Variants in CACNA1C observed in about 807,000 individuals in gnomAD.
The protein encoded by CACNA1C is voltage-dependent L-type calcium channel subunit alpha-1C.
A neutral mutation model predicts 229.0 loss-of-function variants in CACNA1C; 30 were observed. The observed-to-expected ratio is 0.13, with a 90% CI of 0.10 to 0.18. The LOEUF is 0.18. Among genes scored for constraint, CACNA1C ranks in the 10% least tolerant of loss-of-function variants. The pLI is 1.00. For synonymous variants in CACNA1C, 1,114 were observed against 1,132.5 expected, an observed-to-expected ratio of 0.98 and a Z score of 0.33; for missense variants, 1,658 against 2,845.0, an observed-to-expected ratio of 0.58 and a Z score of 9.49.
At chr12:2,091,955 C>T (rs1034224449) in intron 1 of CACNA1C, among the ~76,000 whole-genome samples, 4 of 152,148 alleles carry the variant, frequency 2.6e-5, no homozygotes, top group African/African-American at 9.7e-5. Flanking sequence ...GTGACCTCAC[C>T]TTTTAAAGGA....
intron 3 of CACNA1C, among the ~76,000 whole-genome samples, chr12:2,317,401 G>C (rs2154492221): frequency 6.6e-6 from 1 of 152,294 alleles, no homozygotes; most frequent in Admixed American, 6.5e-5. Context: ...AGTCACAAAA[G>C]ACAAATTCTG....
At chr12:2,270,968 C>T (rs549719609) in intron 3 of CACNA1C, among the ~76,000 whole-genome samples, 14 of 152,232 alleles carry the variant, frequency 9.2e-5, no homozygotes, top group Middle Eastern at 3.4e-3. Context: ...CTCCCTTTGC[C>T]GAGGGCTGGT....
At chr12:2,495,941 C>T (rs185540035) in intron 7 of CACNA1C, among the ~76,000 whole-genome samples, 7 of 152,332 alleles carry the variant, frequency 4.6e-5, no homozygotes, top group South Asian at 2.1e-4. Flanking sequence ...GACCTTTCTA[C>T]GGCTGTTTCT....
At chr12:2,560,371 C>T (rs1331143130) in intron 11 of CACNA1C, among the ~76,000 whole-genome samples, 3 of 152,160 alleles carry the variant, frequency 2.0e-5, no homozygotes, top group African/African-American at 7.2e-5. Context: ...TCCAAAGTCA[C>T]GGTTTCTTTA....
intron 13 of CACNA1C, among the ~76,000 whole-genome samples, chr12:2,572,715 T>TC (rs2056488950): frequency 9.8e-6 from 1 of 102,380 alleles, no homozygotes; most frequent in African/African-American, 3.9e-5. Flanking sequence ...CCTCCTCCTC[T>TC]TCCTCCTCCT....
chr12:2,116,664 C>T (rs923449829), intron 2 of CACNA1C, among the ~76,000 whole-genome samples: 8 of 152,110 alleles, frequency 5.3e-5, no homozygotes, highest in African/African-American at 1.7e-4. Flanking sequence ...GCCACCGTGC[C>T]CAGCCCAGAA....
At chr12:2,254,488 G>A (rs183798321) in intron 3 of CACNA1C, among the ~76,000 whole-genome samples, 5 of 152,088 alleles carry the variant, frequency 3.3e-5, no homozygotes, top group Admixed American at 2.6e-4. Context: ...GTGTGGGCCC[G>A]GATTGCCCCA....
chr12:2,272,720 C>T (rs375064334), intron 3 of CACNA1C, among the ~76,000 whole-genome samples: 59 of 152,298 alleles, frequency 3.9e-4, no homozygotes, highest in African/African-American at 1.0e-3. Context: ...TGCATTGTGC[C>T]GTGAGATGAC....
intron 9 of CACNA1C, among the ~76,000 whole-genome samples, chr12:2,548,872 A>G (rs1189297297): frequency 1.3e-5 from 2 of 152,154 alleles, no homozygotes; most frequent in Non-Finnish European, 2.9e-5. Flanking sequence ...GTGTCTGCTG[A>G]GGGCTGATGA....
chr12:2,172,720 A>T (rs2154266055), intron 3 of CACNA1C, among the ~76,000 whole-genome samples: 1 of 152,362 alleles, frequency 6.6e-6, no homozygotes, highest in African/African-American at 2.4e-5. Flanking sequence ...GGGAAACGGG[A>T]TTATCTTAAC....
At chr12:2,198,968 G>A (rs1237573147) in intron 3 of CACNA1C, among the ~76,000 whole-genome samples, 6 of 152,086 alleles carry the variant, frequency 3.9e-5, no homozygotes, top group Admixed American at 3.9e-4. Context: ...TTAAGTATTG[G>A]CTGCATAAAG....
chr12:2,589,065 AC>A (rs1479730845), intron 18 of CACNA1C, among the ~76,000 whole-genome samples: 3 of 152,138 alleles, frequency 2.0e-5, no homozygotes, highest in Non-Finnish European at 4.4e-5. Context: ...TCAGGATCGT[AC>A]AATCATCAGA....
intron 3 of CACNA1C, among the ~76,000 whole-genome samples, chr12:2,447,813 A>G (rs1030506600): frequency 5.9e-5 from 9 of 152,200 alleles, no homozygotes; most frequent in African/African-American, 2.4e-5. Flanking sequence ...CTGCTCCCAC[A>G]TGCACACACC....
At chr12:2,550,067 T>G (rs1051216883) in intron 10 of CACNA1C, 34 bp downstream of exon 10, 1 of 1,409,592 alleles carries the variant, frequency 7.1e-7, no homozygotes, top group African/African-American at 1.4e-5. Flanking sequence ...GGGCTGGGGC[T>G]TTTTCTGGAG....
intron 3 of CACNA1C, among the ~76,000 whole-genome samples, chr12:2,130,531 C>T (rs2091981582): frequency 1.6e-5 from 2 of 124,828 alleles, no homozygotes; most frequent in Admixed American, 1.7e-4. Context: ...TCAATTCCCA[C>T]CTATGAGTGA....
chr12:2,456,577 T>C (rs2099425331), intron 4 of CACNA1C, among the ~76,000 whole-genome samples: 1 of 152,128 alleles, frequency 6.6e-6, no homozygotes, highest in Non-Finnish European at 1.5e-5. Context: ...TGCCCCTCCC[T>C]TGGGCCCCTG....
chr12:2,071,162 C>CT lies in CACNA1C; in HGVS notation c.49+17552dup, dbSNP rs1279669336. On this transcript the variant is annotated intron_variant, in intron 1 of 46. Transcript: ENST00000399655. ...CCCTCCTCCCTCCCTCCCTCCCTCCCTCCCTCCCTCCCTGCCTGCCTGCCT... is the reference window on the plus strand; with the variant it reads ...CCCTCCTCCCTCCCTCCCTCCCTCCCTTCCCTCCCTCCCTGCCTGCCTGCCT... Among the ~76,000 whole-genome samples the CT allele has an allele frequency of 8.1e-3, 661 of 82,048 alleles. 94 individuals are homozygous for CT. The highest frequency in any genetic ancestry group is 0.029 in the South Asian group (49 of 1,714). 53.8% of individuals were successfully genotyped at this position (82,048 alleles called of 152,430 possible).
intron 3 of CACNA1C, among the ~76,000 whole-genome samples, chr12:2,299,022 A>C (rs920922585): frequency 1.3e-5 from 2 of 152,224 alleles, no homozygotes; most frequent in Non-Finnish European, 2.9e-5. Flanking sequence ...TAGTGAGGGC[A>C]TTAAAACATT....
At chr12:2,135,723 G>A (rs2093332572) in intron 3 of CACNA1C, among the ~76,000 whole-genome samples, 3 of 145,924 alleles carry the variant, frequency 2.1e-5, no homozygotes, top group South Asian at 4.3e-4. Flanking sequence ...TGTCAGACAG[G>A]GACATTTAAG....
Sources: allele counts gnomAD v4.1 joint callset (sites outside exome capture counted in the v4.1 genomes callset), GRCh38; gene constraint gnomAD v4.1.1; transcripts MANE v1.5; gene names NCBI Gene and HGNC (gene_info 2026-07-23, HGNC 2026-07-21).